The following C10orf90 variants were observed in gnomAD, a reference collection of about 807,000 sequenced individuals.
The protein encoded by C10orf90 is chromosome 10 open reading frame 90.
C10orf90 carries 56 observed loss-of-function variants against 62.5 expected under a neutral mutation model. The observed-to-expected ratio is 0.90, with a 90% CI of 0.72 to 1.12. The LOEUF (loss-of-function observed/expected upper bound fraction) is 1.12, where lower values mean the gene tolerates loss of function less well. C10orf90 is among the 50% of genes most tolerant of loss of function. The pLI is 0.00. For synonymous variants in C10orf90, 386 were observed against 340.4 expected (o/e 1.13, Z -1.47); for missense variants, 970 against 880.4 (o/e 1.10, Z -1.29).
At chr10:126,589,642 A>G (rs1564884209) in intron 2 of C10orf90, among the ~76,000 whole-genome samples, 2 of 152,242 alleles carry the variant, frequency 1.3e-5, no homozygotes, top group Admixed American at 6.5e-5. Flanking sequence ...GATACTTTTC[A>G]GACAAGCAAA....
intron 2 of C10orf90, among the ~76,000 whole-genome samples, chr10:126,529,372 AATC>A (rs1864033613): frequency 6.6e-6 from 1 of 152,224 alleles, no homozygotes; most frequent in Non-Finnish European, 1.5e-5. Flanking sequence ...TGATAATTTC[AATC>A]ATTTTTACTG....
rs1457641229 is a variant in C10orf90 at position 126,425,857 on chromosome 10, C to T, written c.*7G>A. The stretch of plus-strand genomic sequence containing the variant: ...CCAGGTAGTGTGGTCAGCAGGGCAG[C>T]CTGTGGTTAGACCGCATTCCTTTGA... On this transcript the variant is annotated 3_prime_UTR_variant, in exon 10 of 10. Transcript: ENST00000488181. 1 of 1,613,708 alleles carries T rather than the reference C, an allele frequency of 6.2e-7. No homozygotes were observed. Among genetic ancestry groups the T allele is most frequent in the East Asian group, 2.2e-5 (1 of 44,852 alleles).
chr10:126,553,480 G>A (rs956617884), intron 2 of C10orf90, among the ~76,000 whole-genome samples: 2 of 152,178 alleles, frequency 1.3e-5, no homozygotes, highest in Admixed American at 1.3e-4. Flanking sequence ...ATATGATGAT[G>A]GTCTCATAAG....
chr10:126,575,534 C>T (rs1844591720), intron 2 of C10orf90, among the ~76,000 whole-genome samples: 2 of 151,322 alleles, frequency 1.3e-5, no homozygotes, highest in Non-Finnish European at 2.9e-5. Context: ...AAATTCCTAT[C>T]AAAATACCAA....
intron 2 of C10orf90, among the ~76,000 whole-genome samples, chr10:126,569,928 A>AAAGAT (rs956679140): frequency 2.6e-5 from 4 of 152,196 alleles, no homozygotes; most frequent in Admixed American, 6.5e-5. Flanking sequence ...AAAGAAAAGA[A>AAAGAT]AAGAAAAACA....
intron 2 of C10orf90, among the ~76,000 whole-genome samples, chr10:126,612,960 A>G (rs1465328493): frequency 6.6e-6 from 1 of 152,210 alleles, no homozygotes; most frequent in Non-Finnish European, 1.5e-5. Flanking sequence ...GTTACATACT[A>G]AAGCAGAGTT....
chr10:126,461,666 G>C, intron 5 of C10orf90, 81 bp from the exon 6 acceptor site: 88 of 1,319,814 alleles, frequency 6.7e-5, no homozygotes, highest in East Asian at 1.5e-4. Context: ...AGACACAGAA[G>C]ACAATTTTGA....
intron 2 of C10orf90, among the ~76,000 whole-genome samples, chr10:126,636,340 G>A (rs919321407): frequency 1.3e-5 from 2 of 152,138 alleles, no homozygotes; most frequent in African/African-American, 4.8e-5. Flanking sequence ...CAAGTTATCA[G>A]CGTACCACAC....
intron 2 of C10orf90, among the ~76,000 whole-genome samples, chr10:126,618,087 CTCA>C (rs1845577785): frequency 6.6e-6 from 1 of 152,136 alleles, no homozygotes; most frequent in South Asian, 2.1e-4. Flanking sequence ...CACCATGAGG[CTCA>C]GAAGAGAATC....
intron 2 of C10orf90, among the ~76,000 whole-genome samples, chr10:126,540,314 C>A (rs573361910): frequency 5.3e-5 from 8 of 152,198 alleles, no homozygotes; most frequent in South Asian, 2.1e-4. Flanking sequence ...CAGATTTAAT[C>A]AAAAACTTGA....
chr10:126,524,994 G>A (rs140870120), intron 2 of C10orf90, among the ~76,000 whole-genome samples: 62 of 152,318 alleles, frequency 4.1e-4, no homozygotes, highest in Non-Finnish European at 7.5e-4. Flanking sequence ...GCCCTTGCAG[G>A]TGGGTGGCAG....
chr10:126,547,361 G>C (rs1327676281), intron 2 of C10orf90, among the ~76,000 whole-genome samples: 1 of 148,438 alleles, frequency 6.7e-6, no homozygotes, highest in Admixed American at 6.7e-5. Context: ...GGAGCTTGCA[G>C]TGAGCCAAGA....
chr10:126,642,544 CA>C (rs1258912363), intron 2 of C10orf90, among the ~76,000 whole-genome samples: 2 of 151,882 alleles, frequency 1.3e-5, no homozygotes, highest in African/African-American at 4.8e-5. Flanking sequence ...AAAAAAAATA[CA>C]AAACCCTGAT....
intron 2 of C10orf90, among the ~76,000 whole-genome samples, chr10:126,589,420 C>G (rs1008835309): frequency 6.6e-6 from 1 of 151,918 alleles, no homozygotes; most frequent in Admixed American, 6.6e-5. Flanking sequence ...TCTCCAATGT[C>G]GAAATGAAAG....
chr10:126,637,482 G>A (rs11245074), intron 2 of C10orf90, among the ~76,000 whole-genome samples: 70,688 of 152,130 alleles, frequency 0.46, 17,256 homozygotes, highest in African/African-American at 0.62. Flanking sequence ...CGGAGCTTGT[G>A]GTTTGGATGG....
chr10:126,581,947 G>T (rs569169247), intron 2 of C10orf90, among the ~76,000 whole-genome samples: 4 of 152,140 alleles, frequency 2.6e-5, no homozygotes, highest in Admixed American at 6.5e-5. Context: ...GTGATTCGGC[G>T]GGTGGCAGCT....
At chr10:126,445,525 C>T (rs1328275491) in intron 7 of C10orf90, among the ~76,000 whole-genome samples, 3 of 151,930 alleles carry the variant, frequency 2.0e-5, no homozygotes, top group Admixed American at 6.6e-5. Context: ...TAGATGTTGG[C>T]GTGGATGCAG....
intron 5 of C10orf90, chr10:126,463,199 A>C (rs1384298222): frequency 6.6e-6 from 1 of 152,626 alleles, no homozygotes; most frequent in Middle Eastern, 3.1e-3. Flanking sequence ...CATTCTCCCC[A>C]GCACCAGAAC....
intron 4 of C10orf90, among the ~76,000 whole-genome samples, chr10:126,472,238 ATC>A (rs1032926374): frequency 3.9e-5 from 6 of 152,238 alleles, no homozygotes; most frequent in Non-Finnish European, 8.8e-5. Flanking sequence ...CATTTAAAAA[ATC>A]TTTTTCTAAA....
Sources: allele counts gnomAD v4.1 joint callset (sites outside exome capture counted in the v4.1 genomes callset), GRCh38; gene constraint gnomAD v4.1.1; transcripts MANE v1.5; gene names NCBI Gene and HGNC (gene_info 2026-07-23, HGNC 2026-07-21).